The following NAV2 variants were observed in gnomAD, a reference collection of about 807,000 sequenced individuals.
NAV2 encodes helicase, APC down-regulated 1.
In NAV2, 54 loss-of-function variants were observed where a neutral mutation model predicts 223.2. The ratio of observed to expected loss-of-function variants is 0.24; its 90% CI spans 0.19 to 0.30. NAV2 has a LOEUF of 0.30. NAV2 is among the 10% of genes least tolerant of loss of function. The pLI, the probability that NAV2 is intolerant of heterozygous loss-of-function variation, is 1.00. For missense variants in NAV2, 2,806 were observed against 3,147.5 expected, an observed-to-expected ratio of 0.89 and a Z score of 2.60; for synonymous variants, 1,279 against 1,239.3, an observed-to-expected ratio of 1.03 and a Z score of -0.67.
chr11:19,447,320 G>A (rs1364301461), intron 1 of NAV2, among the ~76,000 whole-genome samples: 1 of 152,182 alleles, frequency 6.6e-6, no homozygotes, highest in African/African-American at 2.4e-5. Context: ...ATTGGCATTT[G>A]CACCTTGCTT....
chr11:19,483,578 G>A (rs1044057498), intron 1 of NAV2, among the ~76,000 whole-genome samples: 1 of 152,194 alleles, frequency 6.6e-6, no homozygotes, highest in African/African-American at 2.4e-5. Context: ...GATATGCTGA[G>A]GTTGCTAAGA....
At chr11:19,636,476 T>C (rs977626765) in intron 1 of NAV2, among the ~76,000 whole-genome samples, 2 of 151,856 alleles carry the variant, frequency 1.3e-5, no homozygotes, top group South Asian at 4.2e-4. Flanking sequence ...ATTAAGGAGA[T>C]GAGTTCTGCA....
intron 1 of NAV2, among the ~76,000 whole-genome samples, chr11:19,522,517 G>T (rs2043698196): frequency 6.6e-6 from 1 of 152,148 alleles, no homozygotes; most frequent in Admixed American, 6.5e-5. Flanking sequence ...CTCCTCACCA[G>T]CCGGGGGTAT....
At chr11:19,724,401 G>A (rs748435857) in intron 1 of NAV2, among the ~76,000 whole-genome samples, 25 of 152,292 alleles carry the variant, frequency 1.6e-4, no homozygotes, top group Admixed American at 4.6e-4. Flanking sequence ...CACCTAGGCT[G>A]GAGTGGCGTG....
At chr11:19,549,756 C>T (rs1456861964) in intron 1 of NAV2, among the ~76,000 whole-genome samples, 1 of 152,212 alleles carries the variant, frequency 6.6e-6, no homozygotes, top group Non-Finnish European at 1.5e-5. Context: ...AGCGTAGAGG[C>T]CCCAGTGGAC....
At chr11:19,903,312 T>C (rs1220361201) in intron 6 of NAV2, among the ~76,000 whole-genome samples, 1 of 152,194 alleles carries the variant, frequency 6.6e-6, no homozygotes, top group Non-Finnish European at 1.5e-5. Flanking sequence ...ATGGTCATGC[T>C]ACACGGTGGT....
At chr11:19,953,389 A>G (rs1565632611) in intron 10 of NAV2, among the ~76,000 whole-genome samples, 1 of 152,102 alleles carries the variant, frequency 6.6e-6, no homozygotes, top group Non-Finnish European at 1.5e-5. Flanking sequence ...CACACACTCC[A>G]GACTTCCCAC....
chr11:19,613,162 T>G (rs868333608), intron 1 of NAV2, among the ~76,000 whole-genome samples: 17 of 152,120 alleles, frequency 1.1e-4, no homozygotes, highest in South Asian at 1.0e-3. Context: ...GCCCCCGCCG[T>G]GGGTCTCTCC....
chr11:19,495,621 G>T (rs1171049539), intron 1 of NAV2, among the ~76,000 whole-genome samples: 1 of 152,150 alleles, frequency 6.6e-6, no homozygotes, highest in Non-Finnish European at 1.5e-5. Flanking sequence ...CATCTCCTGT[G>T]TTCCAGGATT....
chr11:19,721,419 G>A (rs919309082), intron 1 of NAV2, among the ~76,000 whole-genome samples: 1 of 152,194 alleles, frequency 6.6e-6, no homozygotes, highest in Non-Finnish European at 1.5e-5. Context: ...GTGTTAACTG[G>A]CCGGGCTGAT....
At chr11:19,758,925 C>A (rs868865124) in intron 1 of NAV2, among the ~76,000 whole-genome samples, 3 of 152,092 alleles carry the variant, frequency 2.0e-5, no homozygotes, top group Non-Finnish European at 4.4e-5. Flanking sequence ...AATTAATTAT[C>A]CCCCCTGAGG....
Position 19,522,942 on chromosome 11 carries a change from C to T in NAV2, c.75+171915C>T, listed in dbSNP as rs114901671. 5.6e-3 allele frequency among the ~76,000 whole-genome samples: 854 copies of T among 152,320 alleles called. 9 individuals carry two copies. The highest frequency in any genetic ancestry group is 0.019 in the African/African-American group (808 of 41,562). On this transcript the variant is annotated intron_variant, in intron 1 of 37. Transcript: ENST00000360655. Reference sequence around the variant, plus strand: ...TTATTATTATTGGGAATAATGATGGCTGTTGATTAAAATGATCATATCATC... The same window carrying T: ...TTATTATTATTGGGAATAATGATGGTTGTTGATTAAAATGATCATATCATC...
chr11:19,968,232 T>C (rs1264920604), intron 10 of NAV2, among the ~76,000 whole-genome samples: 1 of 152,180 alleles, frequency 6.6e-6, no homozygotes, highest in Non-Finnish European at 1.5e-5. Flanking sequence ...AGTTTCACTC[T>C]TGTTGCCCAG....
At chr11:19,680,529 A>T (rs1024639531) in intron 1 of NAV2, among the ~76,000 whole-genome samples, 12 of 152,160 alleles carry the variant, frequency 7.9e-5, no homozygotes, top group Non-Finnish European at 1.8e-4. Flanking sequence ...CACACACAGG[A>T]GGGATGCGGA....
intron 19 of NAV2, among the ~76,000 whole-genome samples, chr11:20,061,833 T>C (rs189624905): frequency 6.6e-6 from 1 of 152,226 alleles, no homozygotes; most frequent in Non-Finnish European, 1.5e-5. Flanking sequence ...AGCTCTTTTT[T>C]TGCATATACA....
chr11:19,492,899 G>A (rs970665050), intron 1 of NAV2, among the ~76,000 whole-genome samples: 5 of 152,272 alleles, frequency 3.3e-5, no homozygotes, highest in Admixed American at 1.3e-4. Context: ...CTAAGTCAGT[G>A]GCTTAGAGTT....
At position 19,454,282 on chromosome 11, in the gene NAV2, C is replaced by A. The variant is rs1372535940; in HGVS notation, c.75+103255C>A. 2.0e-5 allele frequency among the ~76,000 whole-genome samples: 3 copies of A among 152,338 alleles called. No individual in the cohort carries two copies. The East Asian group carries it at 5.8e-4, about 29-fold the overall frequency. On this transcript the variant is annotated intron_variant, in intron 1 of 37. Coordinates refer to the NAV2 transcript ENST00000360655. ...GCCTGTGGTGTCTGCAGAGGGAAAGCAGTCCGCCTGACCTCATAGGGTTGG... is the reference window on the plus strand; with the variant it reads ...GCCTGTGGTGTCTGCAGAGGGAAAGAAGTCCGCCTGACCTCATAGGGTTGG...
At position 19,991,569 on chromosome 11, in the gene NAV2, G is replaced by A. The variant is rs572391599; in HGVS notation, c.2768+7322G>A. ...ATTTCTATAACAGCTTATAATAACT[G>A]CATTTAATAAAAAGAACAATTATAA... is the stretch of plus-strand genomic sequence containing the variant. On this transcript the variant is annotated intron_variant, in intron 11 of 37. Transcript: ENST00000349880. Among the ~76,000 whole-genome samples the A allele has an allele frequency of 3.9e-5, 6 of 152,150 alleles. No individual in the cohort carries two copies. In the South Asian group the frequency reaches 1.2e-3, roughly 32 times the overall value.
At chr11:20,058,996 C>T (rs2058535409) in intron 19 of NAV2, among the ~76,000 whole-genome samples, 1 of 152,050 alleles carries the variant, frequency 6.6e-6, no homozygotes, top group Non-Finnish European at 1.5e-5. Context: ...CTTTATGCAG[C>T]CACAATGATG....
Sources: allele counts gnomAD v4.1 joint callset (sites outside exome capture counted in the v4.1 genomes callset), GRCh38; gene constraint gnomAD v4.1.1; transcripts MANE v1.5; gene names NCBI Gene and HGNC (gene_info 2026-07-23, HGNC 2026-07-21).